Variants in DNAH14 observed in about 807,000 individuals in gnomAD.
DNAH14 encodes axonemal beta dynein heavy chain 14.
Under a neutral mutation model 520.9 loss-of-function variants are expected in DNAH14, and 478 were observed. The ratio of observed to expected loss-of-function variants is 0.92; its 90% confidence interval spans 0.85 to 0.99. The LOEUF (loss-of-function observed/expected upper bound fraction) is 0.99, where lower values mean the gene tolerates loss of function less well. Ranked by LOEUF, DNAH14 falls within the 50% of genes least tolerant of loss-of-function variation. DNAH14 has a pLI of 0.00. For missense variants in DNAH14, 4,831 were observed against 5,234.5 expected, an observed-to-expected ratio of 0.92 and a Z score of 2.38; for synonymous variants, 1,581 against 1,757.2, an observed-to-expected ratio of 0.90 and a Z score of 2.51.
At chr1:225,226,116 C>A (rs1433146242) in intron 41 of DNAH14, among the ~76,000 whole-genome samples, 1 of 152,166 alleles carries the variant, frequency 6.6e-6, no homozygotes, top group Non-Finnish European at 1.5e-5. Context: ...TGCCTGCAAC[C>A]CGCAACTGTT....
Position 224,952,766 on chromosome 1 carries a change from A to G in DNAH14, c.64A>G (p.Lys22Glu), listed in dbSNP as rs866628060. ...ENQEMDKEETKTKPRLLRYEE... is the reference protein window; with the variant it reads ...ENQEMDKEETETKPRLLRYEE... ...TCAAGAGATGGACAAGGAGGAAACCAAGACAAAACCAAGGTAAAAGTAAGA... is the reference window on the plus strand; with the variant it reads ...TCAAGAGATGGACAAGGAGGAAACCGAGACAAAACCAAGGTAAAAGTAAGA... The change falls in exon 2 of 86, where the codon AAG becomes GAG. Residue 22 changes from lysine to glutamate, a missense_variant. By Grantham distance (56) the Lys-to-Glu change is moderately conservative. Transcript: ENST00000682510. 1.3e-6 allele frequency: 2 copies of G among 1,599,196 alleles called. No individual in the cohort carries two copies. Among genetic ancestry groups the G allele is most frequent in the Middle Eastern group, 3.3e-4 (2 of 6,008 alleles).
rs541299386 is a variant in DNAH14, at chr1:225,079,068, G to A, written c.2425-139G>A. The stretch of plus-strand genomic sequence containing the variant: ...GTCTCAAGTAGTTCTTTATAGCAGT[G>A]TGAGAACAGACTAATACATGATGTT... On this transcript the variant is annotated intron_variant, in intron 17 of 85. Coordinates refer to ENST00000682510, the MANE Select transcript of DNAH14 (RefSeq NM_001367479.1). 1.4e-3 allele frequency: 1,136 copies of A among 796,324 alleles called. 1 individual carries two copies. Among genetic ancestry groups the A allele is most frequent in the Non-Finnish European group, 2.0e-3 (994 of 506,650 alleles). 49.3% of individuals were successfully genotyped at this position (796,324 alleles called of 1,614,324 possible).
At chr1:225,254,398 T>C (rs2092666514) in intron 44 of DNAH14, among the ~76,000 whole-genome samples, 1 of 152,126 alleles carries the variant, frequency 6.6e-6, no homozygotes. Context: ...TGCTGGGCAA[T>C]GAAGACACAA....
intron 43 of DNAH14, among the ~76,000 whole-genome samples, chr1:225,243,945 C>T (rs1308388492): frequency 6.6e-6 from 1 of 151,952 alleles, no homozygotes; most frequent in East Asian, 1.9e-4. Context: ...GGAATGTTTC[C>T]AGCTTTTGCC....
chr1:225,106,950 G>T (rs1030517994), intron 23 of DNAH14, among the ~76,000 whole-genome samples: 1 of 152,136 alleles, frequency 6.6e-6, no homozygotes, highest in Non-Finnish European at 1.5e-5. Context: ...GAGGAGAGGC[G>T]CTCTGATTTT....
intron 75 of DNAH14, among the ~76,000 whole-genome samples, chr1:225,361,848 A>G (rs2095495733): frequency 6.9e-6 from 1 of 144,698 alleles, no homozygotes; most frequent in Admixed American, 7.1e-5. Flanking sequence ...AGTGAACCCC[A>G]TCTCTACAAC....
intron 60 of DNAH14, among the ~76,000 whole-genome samples, chr1:225,313,755 G>A (rs2094415932): frequency 1.3e-5 from 2 of 152,318 alleles, no homozygotes; most frequent in East Asian, 1.9e-4. Context: ...GCAGTTTTGA[G>A]TGAGTTTCTT....
In DNAH14 at chr1:225,023,877, T is replaced by C; in HGVS notation, c.1358+12T>C. ...GAAAATCTTATCAGGTAAATTACTTTTTTGAAGTCAAAAAGTAACTTACAA... is the reference window on the plus strand; with the variant it reads ...GAAAATCTTATCAGGTAAATTACTTCTTTGAAGTCAAAAAGTAACTTACAA... On this transcript the variant is annotated intron_variant, in intron 11 of 85. Coordinates refer to ENST00000682510, the MANE Select transcript of DNAH14 (RefSeq NM_001367479.1). The C allele has an allele frequency of 1.3e-6, 2 of 1,511,530 alleles. No individual in the cohort carries two copies. The highest frequency in any genetic ancestry group is 1.3e-5 in the South Asian group (1 of 77,630). 93.6% of individuals were successfully genotyped at this position (1,511,530 alleles called of 1,614,324 possible). A position where few individuals can be genotyped will look rare whatever the true frequency, so the allele number is the denominator to read the frequency against.
chr1:225,243,084 A>G (rs1358152982), intron 43 of DNAH14, among the ~76,000 whole-genome samples: 1 of 152,218 alleles, frequency 6.6e-6, no homozygotes, highest in East Asian at 1.9e-4. Flanking sequence ...TTTGTTGTTG[A>G]AATGAATGAT....
At chr1:225,327,836 A>G (rs1237847612) in intron 64 of DNAH14, among the ~76,000 whole-genome samples, 1 of 151,678 alleles carries the variant, frequency 6.6e-6, no homozygotes, top group Non-Finnish European at 1.5e-5. Context: ...GGGAAACAAA[A>G]AGAGAGAGAG....
chr1:225,059,878 G>T (rs1236993000), intron 17 of DNAH14, among the ~76,000 whole-genome samples: 1 of 152,248 alleles, frequency 6.6e-6, no homozygotes, highest in Non-Finnish European at 1.5e-5. Context: ...GACTTGCAGA[G>T]TTTCTGCCGA....
Position 225,220,816 on chromosome 1 carries a change from A to G in DNAH14, c.6440-10257A>G, listed in dbSNP as rs192348694. 7.9e-4 allele frequency among the ~76,000 whole-genome samples: 120 copies of G among 152,366 alleles called. 1 individual carries two copies. The highest frequency in any genetic ancestry group is 2.7e-3 in the African/African-American group (113 of 41,592). On this transcript the variant is annotated intron_variant, in intron 41 of 85. Transcript: ENST00000682510. The stretch of plus-strand genomic sequence containing the variant: ...AGAAAAAAACTACTTTAAATTTCAC[A>G]TGAAACCAAAAATGAGCCTGTATAG...
chr1:225,298,937 G>C (rs938314163), intron 55 of DNAH14, among the ~76,000 whole-genome samples: 4 of 152,186 alleles, frequency 2.6e-5, no homozygotes, highest in African/African-American at 9.7e-5. Context: ...ATCTGGACAG[G>C]GGAGACAGGG....
rs558817909 is a variant in DNAH14, at chr1:224,945,112, C to A, written c.-33-7558C>A. On this transcript the variant is annotated intron_variant, in intron 1 of 85. Transcript: ENST00000682510. ...TTTTCCAACTTGGTTCCATTCTCCC[C>A]GTCATTTTCAGGTACACCAATCAGA... is the stretch of plus-strand genomic sequence containing the variant. Among the ~76,000 whole-genome samples the A allele has an allele frequency of 9.1e-4, 138 of 152,146 alleles. 1 individual carries two copies. Among genetic ancestry groups the A allele is most frequent in the Non-Finnish European group, 3.5e-4 (24 of 68,016 alleles).
In DNAH14 at chr1:225,152,846, A is replaced by C. The variant is rs538516167; in HGVS notation, c.5159A>C (p.Asn1720Thr). 60 of 1,550,918 alleles carry C rather than the reference A, an allele frequency of 3.9e-5. No individual in the cohort carries two copies. The highest frequency in any genetic ancestry group is 5.0e-5 in the Non-Finnish European group (57 of 1,146,746). ...AATTCACTCTCTGGAAAGCTAACTA[A>C]CCTTTATGAATTAGCGCGCAAACAG... is the stretch of plus-strand genomic sequence containing the variant. ...SANSLSGKLT[N>T]LYELARKQLS... Residue 1720 changes from asparagine to threonine, a missense_variant, in exon 33 of 86, where the codon AAC becomes ACC. Asn to Thr is a moderately conservative substitution (Grantham distance 65, BLOSUM62 0). Coordinates refer to ENST00000682510, the MANE Select transcript of DNAH14 (RefSeq NM_001367479.1).
At chr1:225,056,409 C>A (rs906200954) in intron 17 of DNAH14, among the ~76,000 whole-genome samples, 13 of 152,062 alleles carry the variant, frequency 8.5e-5, no homozygotes, top group African/African-American at 3.1e-4. Context: ...TGTTTGAGTT[C>A]ATTGTAGATT....
chr1:225,134,647 G>A (rs2078792820), intron 27 of DNAH14, among the ~76,000 whole-genome samples: 2 of 152,198 alleles, frequency 1.3e-5, no homozygotes, highest in South Asian at 4.2e-4. Flanking sequence ...GAGGATTTTT[G>A]CATCAGTGTT....
At chr1:225,323,588 C>T (rs965019194) in intron 62 of DNAH14, among the ~76,000 whole-genome samples, 6 of 152,070 alleles carry the variant, frequency 3.9e-5, no homozygotes, top group African/African-American at 7.2e-5. Context: ...CTCAGCCTCC[C>T]GAGTAGCTGG....
chr1:225,012,867 T>A (rs2064904181), intron 10 of DNAH14, among the ~76,000 whole-genome samples: 1 of 152,202 alleles, frequency 6.6e-6, no homozygotes, highest in Non-Finnish European at 1.5e-5. Context: ...TCCTCCAGCC[T>A]TTTATCAAGG....
Sources: allele counts gnomAD v4.1 joint callset (sites outside exome capture counted in the v4.1 genomes callset), GRCh38; gene constraint gnomAD v4.1.1; transcripts MANE v1.5; gene names NCBI Gene and HGNC (gene_info 2026-07-23, HGNC 2026-07-21).